Variants in DNAJB2 observed in about 807,000 individuals in gnomAD.
DNAJB2 encodes dnaJ homolog subfamily B member 2.
In DNAJB2, 19 loss-of-function variants were observed where a neutral mutation model predicts 33.3. The observed-to-expected ratio is 0.57, with a 90% CI of 0.40 to 0.84. The LOEUF (loss-of-function observed/expected upper bound fraction) is 0.84, where lower values mean the gene tolerates loss of function less well. Among genes scored for constraint, DNAJB2 ranks in the 40% least tolerant of loss-of-function variants. The probability of loss-of-function intolerance (pLI) is 0.00; values close to 1 mark genes in which losing one functional copy is unlikely to be tolerated. For synonymous variants in DNAJB2, 172 were observed against 164.6 expected, an observed-to-expected ratio of 1.04 and a Z score of -0.34; for missense variants, 368 against 430.9, an observed-to-expected ratio of 0.85 and a Z score of 1.29.
chr2:219,284,963 G>GCA lies in DNAJB2; in HGVS notation c.951_952insCA (p.Ala318GlnfsTer36). 1 of 1,529,550 alleles carries GCA rather than the reference G, an allele frequency of 6.5e-7. No homozygotes were observed. Among genetic ancestry groups the GCA allele is most frequent in the Middle Eastern group, 1.8e-4 (1 of 5,682 alleles). The allele number at this position is 1,529,550 out of a possible 1,614,324, so 94.7% of individuals were successfully genotyped here. On this transcript the variant is annotated frameshift_variant, in exon 9 of 9. Coordinates refer to ENST00000336576, the MANE Select transcript of DNAJB2 (RefSeq NM_006736.6). LOFTEE classifies it high-confidence loss of function. ...AACGCAGTCCATCCCCAGAGGAGAA[G>GCA]GCCTCTCGCTGCCTCATCCTCTGAA...
Position 219,279,614 on chromosome 2 carries a change from G to C in DNAJB2, c.-37+96G>C. 3 of 570,960 alleles carry C rather than the reference G, an allele frequency of 5.3e-6. No individual in the cohort carries two copies. The highest frequency in any genetic ancestry group is 9.3e-6 in the Non-Finnish European group (3 of 322,034). The allele number at this position is 570,960 out of a possible 1,614,324, so 35.4% of individuals were successfully genotyped here. On this transcript the variant is annotated intron_variant, in intron 1 of 8. Coordinates refer to ENST00000336576, the MANE Select transcript of DNAJB2 (RefSeq NM_006736.6). The surrounding 1 kb of genome is among the most constrained non-coding windows in gnomAD (Gnocchi z 4.9). ...GCTCCTGGGCCTGGGCGTCGAGATA[G>C]CTCTTGGCCCCGGCCTGCGGGGGCA...
intron 3 of DNAJB2, chr2:219,281,091 G>A (rs751517329): frequency 1.2e-4 from 24 of 203,248 alleles, no homozygotes; most frequent in Non-Finnish European, 2.0e-4. Context: ...ATCCAGGTCT[G>A]CCTTTTTATT....
rs1311088103 is a variant in DNAJB2, at chr2:219,285,542, G to A, written c.*555G>A. On this transcript the variant is annotated 3_prime_UTR_variant, in exon 9 of 9. Coordinates refer to ENST00000336576, the MANE Select transcript of DNAJB2 (RefSeq NM_006736.6). The stretch of plus-strand genomic sequence containing the variant: ...CCTCCCATTCTCTCTGCAACTCCCT[G>A]CGGGCCGCATCGCTTGCTTTCACTG... The A allele has an allele frequency of 2.0e-6, 2 of 1,021,318 alleles. No individual in the cohort carries two copies. Among genetic ancestry groups the A allele is most frequent in the African/African-American group, 1.7e-5 (1 of 58,984 alleles). The allele number at this position is 1,021,318 out of a possible 1,614,324, so 63.3% of individuals were successfully genotyped here. A position where few individuals can be genotyped will look rare whatever the true frequency, so the allele number is the denominator to read the frequency against.
chr2:219,280,471 G>A, intron 2 of DNAJB2, 107 bp from the exon 3 acceptor site: 2 of 798,126 alleles, frequency 2.5e-6, no homozygotes, highest in Non-Finnish European at 4.1e-6. Context: ...GGGACCCGGG[G>A]GTGAAAGGAC....
In DNAJB2 at chr2:219,286,123, GCGGGT is replaced by G; in HGVS notation, c.*1137_*1141del. 1 of 961,016 alleles carries G rather than the reference GCGGGT, an allele frequency of 1.0e-6. No individual in the cohort carries two copies. The highest frequency in any genetic ancestry group is 1.5e-6 in the Non-Finnish European group (1 of 663,430). The allele number at this position is 961,016 out of a possible 1,614,324, so 59.5% of individuals were successfully genotyped here. A position where few individuals can be genotyped will look rare whatever the true frequency, so the allele number is the denominator to read the frequency against. Reference sequence around the variant, plus strand: ...TGAGTGTAGAGCCGGGGCCTGGGTGGCGGGTGGGGGCCGGGTGGGAGGTGGCAGTA... The same window carrying G: ...TGAGTGTAGAGCCGGGGCCTGGGTGGGGGGGCCGGGTGGGAGGTGGCAGTA... On this transcript the variant is annotated 3_prime_UTR_variant, in exon 9 of 9. Coordinates refer to ENST00000336576, the MANE Select transcript of DNAJB2 (RefSeq NM_006736.6).
At position 219,284,880 on chromosome 2, in the gene DNAJB2, C is replaced by G. The variant is rs773564082; in HGVS notation, c.868C>G (p.Gln290Glu). The G allele has an allele frequency of 5.0e-5, 81 of 1,607,630 alleles. No homozygotes were observed. Among genetic ancestry groups the G allele is most frequent in the Non-Finnish European group, 6.0e-5 (70 of 1,176,142 alleles). ...CCGACGGCAGGGGCGGCCCAAGGCC[C>G]AGCACCAAGATCCAGGCTTGGGGGG... ...QHRRQGRPKA[Q>E]HQDPGLGGTQ... The change falls in exon 9 of 9, where the codon CAG becomes GAG. Residue 290 changes from glutamine to glutamate, a missense_variant. Gln to Glu is a conservative substitution (Grantham distance 29). Coordinates refer to ENST00000336576, the MANE Select transcript of DNAJB2 (RefSeq NM_006736.6).
Position 219,285,195 on chromosome 2 carries a change from C to CTGAT in DNAJB2, c.*208_*209insTGAT. ...GGGCTGATAGGTCCCTGGTGAAGCC[C>CTGAT]AGGGTGGGGGGTGTCAGGGCAGTGG... On this transcript the variant is annotated 3_prime_UTR_variant, in exon 9 of 9. Transcript: ENST00000336576. 4 of 1,254,606 alleles carry CTGAT rather than the reference C, an allele frequency of 3.2e-6. No homozygotes were observed. The highest frequency in any genetic ancestry group is 4.0e-6 in the Non-Finnish European group (4 of 999,470). 77.7% of individuals were successfully genotyped at this position (1,254,606 alleles called of 1,614,324 possible).
In DNAJB2 at chr2:219,282,010, G is replaced by A. The variant is rs769569269; in HGVS notation, c.301G>A (p.Glu101Lys). 1 of 1,614,200 alleles carries A rather than the reference G, an allele frequency of 6.2e-7. No homozygotes were observed. The highest frequency in any genetic ancestry group is 8.5e-7 in the Non-Finnish European group (1 of 1,180,044). ...CACCTTCACCTTCCGCAGCCCCGAG[G>A]AGGTCTTCCGGGAATTCTTTGGGAG... is the stretch of plus-strand genomic sequence containing the variant. The part of the protein sequence containing the change: ...GFTFTFRSPE[E>K]VFREFFGSGD... The change falls in exon 5 of 9, where the codon GAG becomes AAG. Residue 101 changes from glutamate to lysine, a missense_variant. Glu to Lys is a moderately conservative substitution (Grantham distance 56). Transcript: ENST00000336576.
rs776893562 is a variant in DNAJB2, at chr2:219,283,441, C to T, written c.571C>T (p.Arg191Trp). The change falls in exon 8 of 9, where the codon CGG (arginine) becomes TGG (tryptophan). Residue 191 changes from arginine to tryptophan, a missense_variant. Physicochemically the swap from Arg to Trp is moderately radical, Grantham distance 101. Transcript: ENST00000336576. ...CAGAATCATGGAGAACGGGCAGGAG[C>T]GGGTGGAAGTGGAGGAGGATGGGCA... is the stretch of plus-strand genomic sequence containing the variant. ...TRRIMENGQE[R>W]VEVEEDGQLK... is the part of the protein sequence containing the mutation. 84 of 1,613,912 alleles carry T rather than the reference C, an allele frequency of 5.2e-5. No individual in the cohort carries two copies. The highest frequency in any genetic ancestry group is 2.2e-4 in the East Asian group (10 of 44,880).
At chr2:219,281,622 C>CA (rs1189903180) in intron 3 of DNAJB2, 96 bp from the exon 4 acceptor site, 73 of 1,540,952 alleles carry the variant, frequency 4.7e-5, no homozygotes, top group Admixed American at 1.7e-5. Flanking sequence ...CGCCAAGTGT[C>CA]AGAGTGTCAG....
rs370819068 is a variant in DNAJB2, at chr2:219,280,582, C to T, written c.70C>T (p.Arg24Trp). The T allele has an allele frequency of 3.1e-6, 5 of 1,613,592 alleles. No homozygotes were observed. Among genetic ancestry groups the T allele is most frequent in the Middle Eastern group, 3.3e-4 (2 of 6,054 alleles). Residue 24 changes from arginine (R) to tryptophan (W), a missense_variant, in exon 3 of 9, where the codon CGG (arginine) becomes TGG (tryptophan). Coordinates refer to ENST00000336576, the MANE Select transcript of DNAJB2 (RefSeq NM_006736.6). ...ASADDIKKAY[R>W]RKALQWHPDK... ...CTCTGCACCCACTTTCTGCAGGTATCGGCGCAAGGCTCTCCAGTGGCACCC... is the reference window on the plus strand; with the variant it reads ...CTCTGCACCCACTTTCTGCAGGTATTGGCGCAAGGCTCTCCAGTGGCACCC...
rs770705479 is a variant in DNAJB2, at chr2:219,281,921, C to G, written c.230-18C>G. On this transcript the variant is annotated intron_variant, in intron 4 of 8. Transcript: ENST00000336576. ...CAGGATGCATGCCCTAAGCTCTCTC[C>G]TCATCCTGCCTTTCCAGGAACTGGC... 7.4e-6 allele frequency: 12 copies of G among 1,613,686 alleles called. No homozygotes were observed. The South Asian group carries it at 1.3e-4, about 18-fold the overall frequency.
Position 219,281,937 on chromosome 2 carries a change from A to G in DNAJB2, c.230-2A>G, listed in dbSNP as rs369661561. ...AGCTCTCTCCTCATCCTGCCTTTCC[A>G]GGAACTGGCCCATCTCGGGCAGAAG... On this transcript the variant is annotated splice_acceptor_variant, in intron 4 of 8. Coordinates refer to ENST00000336576, the MANE Select transcript of DNAJB2 (RefSeq NM_006736.6). LOFTEE classifies it high-confidence loss of function. 6.1e-5 allele frequency: 99 copies of G among 1,614,030 alleles called. No individual in the cohort carries two copies. The highest frequency in any genetic ancestry group is 7.9e-5 in the Non-Finnish European group (93 of 1,179,970).
chr2:219,283,531 C>G (rs1574901438), intron 8 of DNAJB2, 42 bp downstream of exon 8: 1 of 1,585,002 alleles, frequency 6.3e-7, no homozygotes, highest in South Asian at 1.1e-5. Flanking sequence ...CAGGAAGCCC[C>G]AGCCCCAACC....
In DNAJB2 at chr2:219,280,577, G is replaced by T; in HGVS notation, c.66-1G>T. 6.2e-7 allele frequency: 1 copy of T among 1,613,468 alleles called. No homozygotes were observed. The highest frequency in any genetic ancestry group is 8.5e-7 in the Non-Finnish European group (1 of 1,179,516). On this transcript the variant is annotated splice_acceptor_variant, in intron 2 of 8. Transcript: ENST00000336576. LOFTEE classifies it high-confidence loss of function. ...CTCTCCTCTGCACCCACTTTCTGCA[G>T]GTATCGGCGCAAGGCTCTCCAGTGG...
At chr2:219,282,771 G>A in intron 5 of DNAJB2, 66 bp from the exon 6 acceptor site, 1 of 1,445,616 alleles carries the variant, frequency 6.9e-7, no homozygotes. Context: ...TTCCAGACTT[G>A]GGCTCACACA....
chr2:219,279,385 A>G lies in DNAJB2; in HGVS notation c.-170A>G, dbSNP rs563177618. On this transcript the variant is annotated 5_prime_UTR_variant, in exon 1 of 9. Coordinates refer to ENST00000336576, the MANE Select transcript of DNAJB2 (RefSeq NM_006736.6). The surrounding 1 kb of genome is among the most constrained non-coding windows in gnomAD (Gnocchi z 4.9). ...GTCTCTAGTAGTTTCCGCACCGCTG[A>G]CGCATGCCTGCGCGCACAGCTGGGC... 1.2e-4 allele frequency: 19 copies of G among 157,606 alleles called. No homozygotes were observed. In the South Asian group the frequency reaches 3.2e-3, roughly 27 times the overall value. 9.8% of individuals were successfully genotyped at this position (157,606 alleles called of 1,614,324 possible).
In DNAJB2 at chr2:219,283,450, G is replaced by T. The variant is rs1172665283; in HGVS notation, c.580G>T (p.Val194Leu). 1 of 1,614,184 alleles carries T rather than the reference G, an allele frequency of 6.2e-7. No individual in the cohort carries two copies. Among genetic ancestry groups the T allele is most frequent in the Admixed American group, 1.7e-5 (1 of 60,020 alleles). Residue 194 changes from valine to leucine, a missense_variant, in exon 8 of 9, where the codon GTG (valine) becomes TTG (leucine). By Grantham distance (32) the Val-to-Leu change is conservative. Coordinates refer to ENST00000336576, the MANE Select transcript of DNAJB2 (RefSeq NM_006736.6). The part of the protein sequence containing the change: ...IMENGQERVE[V>L]EEDGQLKSVT... ...GGAGAACGGGCAGGAGCGGGTGGAA[G>T]TGGAGGAGGATGGGCAGCTGAAGTC...
In DNAJB2 at chr2:219,283,211, A is replaced by G. The variant is rs1559286796; in HGVS notation, c.524A>G (p.Gln175Arg). 6 of 1,614,124 alleles carry G rather than the reference A, an allele frequency of 3.7e-6. No homozygotes were observed. Among genetic ancestry groups the G allele is most frequent in the Non-Finnish European group, 4.2e-6 (5 of 1,180,018 alleles). ...GTTTCTACATCTACCACCTTTGTCC[A>G]AGGACGCCGCATCACCACACGCAGG... The part of the protein sequence containing the change: ...RSVSTSTTFV[Q>R]GRRITTRRIM... The change falls in exon 7 of 9, where the codon CAA (glutamine) becomes CGA (arginine). Residue 175 changes from glutamine to arginine, a missense_variant. By Grantham distance (43) the Gln-to-Arg change is conservative. Transcript: ENST00000336576.
Sources: gnomAD v4.1 joint callset for allele counts on GRCh38, gnomAD v4.1.1 for gene constraint, Gnocchi (gnomAD v3.1) non-coding constraint, MANE v1.5 for transcripts, NCBI Gene and HGNC (gene_info 2026-07-23, HGNC 2026-07-21) for gene names.